The following LMF1 variants were observed in gnomAD, a reference collection of about 807,000 sequenced individuals.
LMF1 encodes the protein transmembrane protein 112.
A neutral mutation model predicts 60.6 loss-of-function variants in LMF1; 68 were observed. That is an observed-to-expected ratio of 1.12 (90% CI 0.92 to 1.37). The LOEUF is 1.37. LMF1 is among the 40% of genes most tolerant of loss of function. The pLI, the probability that LMF1 is intolerant of heterozygous loss-of-function variation, is 0.00. For synonymous variants in LMF1, 418 were observed against 324.7 expected (o/e 1.29, Z -3.09); for missense variants, 948 against 767.2 (o/e 1.24, Z -2.78).
chr16:955,458 GC>G (rs2072671306), intron 1 of LMF1, among the ~76,000 whole-genome samples: 1 of 54,284 alleles, frequency 1.8e-5, no homozygotes, highest in Non-Finnish European at 3.2e-5. Flanking sequence ...TGCAGCAGAC[GC>G]GGTGTGTGCA....
chr16:921,606 C>G (rs1596998624), intron 3 of LMF1, among the ~76,000 whole-genome samples: 1 of 152,302 alleles, frequency 6.6e-6, no homozygotes, highest in South Asian at 2.1e-4. Context: ...ACGGCCACTC[C>G]CTATACCTTG....
chr16:881,246 G>C (rs1389089956), intron 5 of LMF1, among the ~76,000 whole-genome samples: 1 of 152,130 alleles, frequency 6.6e-6, no homozygotes, highest in Non-Finnish European at 1.5e-5. Flanking sequence ...AAGAGCCGTG[G>C]GCTGGGGAGG....
chr16:969,615 G>A (rs1596175628), intron 1 of LMF1, among the ~76,000 whole-genome samples: 1 of 152,234 alleles, frequency 6.6e-6, no homozygotes. Flanking sequence ...GCAGACGATG[G>A]AAGGAAAGGG....
chr16:929,184 A>C (rs1725083883), intron 3 of LMF1, among the ~76,000 whole-genome samples: 1 of 152,214 alleles, frequency 6.6e-6, no homozygotes, highest in Non-Finnish European at 1.5e-5. Context: ...GAGGGGCCAG[A>C]AAGCGTCTCC....
chr16:953,313 C>T lies in LMF1; in HGVS notation c.503+1044G>A, dbSNP rs55767523. On this transcript the variant is annotated intron_variant, in intron 2 of 10. Coordinates refer to ENST00000262301, the MANE Select transcript of LMF1 (RefSeq NM_022773.4). ...CACCCCAAACCAGCCTCCTACACGTCCACACAGACACCCACCCCAAACCAG... is the reference window on the plus strand; with the variant it reads ...CACCCCAAACCAGCCTCCTACACGTTCACACAGACACCCACCCCAAACCAG... Among the ~76,000 whole-genome samples, 7 of 64,150 alleles carry T rather than the reference C, an allele frequency of 1.1e-4. 2 individuals are homozygous for T. Among genetic ancestry groups the T allele is most frequent in the Admixed American group, 6.4e-4 (5 of 7,820 alleles). 42.1% of individuals were successfully genotyped at this position (64,150 alleles called of 152,430 possible).
intron 3 of LMF1, 143 bp downstream of exon 3, chr16:934,101 C>G: frequency 6.5e-7 from 1 of 1,542,354 alleles, no homozygotes. Context: ...ATCACAAGCG[C>G]CCATCACTGC....
intron 2 of LMF1, among the ~76,000 whole-genome samples, chr16:943,541 C>G (rs1469037087): frequency 6.6e-6 from 1 of 151,814 alleles, no homozygotes; most frequent in Non-Finnish European, 1.5e-5. Context: ...GCCTGGCCAA[C>G]AATGGTGAAA....
rs375189075 is a variant in LMF1 at position 893,497 on chromosome 16, C to G, written c.664-425G>C. 10 of 428,012 alleles carry G rather than the reference C, an allele frequency of 2.3e-5. No homozygotes were observed. In the East Asian group the frequency reaches 3.6e-4, roughly 15 times the overall value. The allele number at this position is 428,012 out of a possible 1,614,324, so 26.5% of individuals were successfully genotyped here. A position where few individuals can be genotyped will look rare whatever the true frequency, so the allele number is the denominator to read the frequency against. ...AGTCGGAGGGAGCACCCAGTGCACA[C>G]GCGTCTCAGCCCCGCCCCCTGCGGC... On this transcript the variant is annotated intron_variant, in intron 4 of 10. Coordinates refer to ENST00000262301, the MANE Select transcript of LMF1 (RefSeq NM_022773.4).
chr16:943,038 C>T (rs1032723347), intron 2 of LMF1, among the ~76,000 whole-genome samples: 1 of 152,252 alleles, frequency 6.6e-6, no homozygotes, highest in African/African-American at 2.4e-5. Context: ...AGATACTGTA[C>T]TTTTCAGTTC....
intron 2 of LMF1, chr16:947,449 A>C: frequency 2.2e-6 from 1 of 455,694 alleles, no homozygotes; most frequent in South Asian, 1.6e-5. Flanking sequence ...TGAGAAATGA[A>C]GCACCGAGGG....
chr16:935,520 T>C (rs1434424076), intron 2 of LMF1, among the ~76,000 whole-genome samples: 1 of 149,888 alleles, frequency 6.7e-6, no homozygotes. Flanking sequence ...AGAAGAAAAA[T>C]TGTCTTGGGC....
intron 4 of LMF1, among the ~76,000 whole-genome samples, chr16:906,705 A>G (rs767817023): frequency 1.3e-5 from 2 of 152,082 alleles, no homozygotes; most frequent in Non-Finnish European, 2.9e-5. Flanking sequence ...CATTACGATC[A>G]TTTTTCAGTA....
chr16:892,587 G>T (rs150198085), intron 5 of LMF1, among the ~76,000 whole-genome samples: 71 of 152,350 alleles, frequency 4.7e-4, no homozygotes, highest in Non-Finnish European at 9.7e-4. Context: ...GGACACACCT[G>T]CCCGTGTCCA....
intron 3 of LMF1, among the ~76,000 whole-genome samples, chr16:927,395 G>T (rs933513484): frequency 1.3e-5 from 2 of 152,212 alleles, no homozygotes; most frequent in African/African-American, 4.8e-5. Context: ...CGCTCTACAG[G>T]ATGCTTCTCC....
At position 910,955 on chromosome 16, in the gene LMF1, C is replaced by G; in HGVS notation, c.639G>C (p.Leu213=). ...CTGCTCCAAGCATGATCCTGAAGAT[C>G]AGCCACCGGAAGCCCCACAGGACAA... ...SRIVLWGFRW[L]IFRIMLGAGL... is the part of the protein sequence containing the mutation. Residue 213 remains leucine (L), a synonymous_variant, in exon 4 of 11, where the codon CTG becomes CTC. Transcript: ENST00000262301. The G allele has an allele frequency of 6.2e-7, 1 of 1,612,948 alleles. No individual in the cohort carries two copies. The highest frequency in any genetic ancestry group is 2.2e-5 in the East Asian group (1 of 44,876).
At chr16:915,823 G>A (rs971780106) in intron 3 of LMF1, among the ~76,000 whole-genome samples, 4 of 152,070 alleles carry the variant, frequency 2.6e-5, no homozygotes, top group African/African-American at 9.7e-5. Flanking sequence ...CCATCACCGG[G>A]GGCCGGAGCA....
chr16:931,959 A>G (rs73499257), intron 3 of LMF1, among the ~76,000 whole-genome samples: 13,787 of 152,306 alleles, frequency 0.091, 653 homozygotes, highest in South Asian at 0.15. Context: ...CCAGGGAGAC[A>G]CAAACGCAGA....
chr16:870,828 A>G lies in LMF1; in HGVS notation c.1133T>C (p.Leu378Pro). Residue 378 changes from leucine (L) to proline (P), a missense_variant, in exon 8 of 11, where the codon CTC becomes CCC. Physicochemically the swap from Leu to Pro is moderately conservative, Grantham distance 98. Coordinates refer to ENST00000262301, the MANE Select transcript of LMF1 (RefSeq NM_022773.4). ...NVSLGVLLAW[L>P]SVPVVLNLLS... ...CAAGTTGAGGACCACGGGCACGCTG[A>G]GCCAGGCCAGCAGGACGCCCAGCGA... is the stretch of plus-strand genomic sequence containing the variant. 1 of 1,612,328 alleles carries G rather than the reference A, an allele frequency of 6.2e-7. No homozygotes were observed. Among genetic ancestry groups the G allele is most frequent in the African/African-American group, 1.3e-5 (1 of 75,032 alleles).
intron 2 of LMF1, among the ~76,000 whole-genome samples, chr16:950,268 C>A (rs1436600996): frequency 9.8e-6 from 1 of 102,102 alleles, no homozygotes; most frequent in Non-Finnish European, 1.8e-5. Context: ...ACAGAGTCAG[C>A]CAACGACAGA....
Sources: allele counts gnomAD v4.1 joint callset (sites outside exome capture counted in the v4.1 genomes callset), GRCh38; gene constraint gnomAD v4.1.1; transcripts MANE v1.5; gene names NCBI Gene and HGNC (gene_info 2026-07-23, HGNC 2026-07-21).